B4GALT6: variants seen among roughly 807,000 people sequenced by gnomAD.
B4GALT6 encodes beta-1,4-galactosyltransferase 6.
Under a neutral mutation model 46.3 loss-of-function variants are expected in B4GALT6, and 14 were observed. The observed-to-expected ratio is 0.30, with a 90% CI of 0.20 to 0.47. The LOEUF (loss-of-function observed/expected upper bound fraction) is 0.47. Among genes scored for constraint, B4GALT6 ranks in the 20% least tolerant of loss-of-function variants. The probability of loss-of-function intolerance (pLI) is 0.99; values close to 1 mark genes in which losing one functional copy is unlikely to be tolerated. For missense variants in B4GALT6, 386 were observed against 480.1 expected (o/e 0.80, Z 1.83); for synonymous variants, 168 against 162.0 (o/e 1.04, Z -0.28).
chr18:31,701,204 A>G, the B4GALT6 span, among the ~76,000 whole-genome samples: 1 of 152,176 alleles, frequency 6.6e-6, no homozygotes, highest in Non-Finnish European at 1.5e-5. Flanking sequence ...ATTTAACACC[A>G]TCTCCTTGGT....
At chr18:31,637,794 C>G (rs2073877947) in intron 5 of B4GALT6, among the ~76,000 whole-genome samples, 1 of 152,132 alleles carries the variant, frequency 6.6e-6, no homozygotes, top group African/African-American at 2.4e-5. Flanking sequence ...AAATTAAACA[C>G]TGCGAATATA....
At chr18:31,683,536 A>T (rs960867674) in intron 1 of B4GALT6, among the ~76,000 whole-genome samples, 1 of 152,242 alleles carries the variant, frequency 6.6e-6, no homozygotes, top group East Asian at 1.9e-4. Flanking sequence ...ATGGGGGACG[A>T]GGAATTCGGA....
intron 3 of B4GALT6, among the ~76,000 whole-genome samples, chr18:31,650,334 A>T (rs370602124): frequency 1.1e-3 from 166 of 152,358 alleles, no homozygotes; most frequent in African/African-American, 3.9e-3. Context: ...AACTGAACAC[A>T]TTTCAACGGC....
At chr18:31,676,060 A>G (rs1015750961) in intron 1 of B4GALT6, among the ~76,000 whole-genome samples, 6 of 152,154 alleles carry the variant, frequency 3.9e-5, no homozygotes, top group African/African-American at 1.4e-4. Flanking sequence ...TAAACAAGGC[A>G]CCTTTTAATT....
chr18:31,685,472 A>G (rs972313902), upstream of B4GALT6, among the ~76,000 whole-genome samples: 110 of 151,120 alleles, frequency 7.3e-4, 4 homozygotes, highest in Middle Eastern at 3.7e-3. Flanking sequence ...GGAACTCGGC[A>G]GGCGGCGCTG....
At chr18:31,720,184 C>A in the B4GALT6 span, among the ~76,000 whole-genome samples, 2 of 152,198 alleles carry the variant, frequency 1.3e-5, no homozygotes, top group Non-Finnish European at 2.9e-5. Flanking sequence ...GATGGAGTTG[C>A]TTAGGTCTAA....
chr18:31,656,931 C>G (rs939305641), intron 3 of B4GALT6, among the ~76,000 whole-genome samples: 1 of 152,176 alleles, frequency 6.6e-6, no homozygotes, highest in African/African-American at 2.4e-5. Context: ...AAAACTTACT[C>G]AAACCCACCA....
At chr18:31,649,684 T>C (rs2074040358) in intron 3 of B4GALT6, among the ~76,000 whole-genome samples, 1 of 145,850 alleles carries the variant, frequency 6.9e-6, no homozygotes, top group Admixed American at 6.8e-5. Flanking sequence ...ATCAGAGAAA[T>C]GCATATTAAA....
In B4GALT6 at chr18:31,672,398, G is replaced by A. The variant is rs1016131752; in HGVS notation, c.116-6026C>T. ...AATAAATGTAAAACCTGGAACTATCGTGATAAATTCCCAGAGGAAAAATTA... is the reference window on the plus strand; with the variant it reads ...AATAAATGTAAAACCTGGAACTATCATGATAAATTCCCAGAGGAAAAATTA... On this transcript the variant is annotated intron_variant, in intron 1 of 8. Transcript: ENST00000306851. Among the ~76,000 whole-genome samples the A allele has an allele frequency of 2.6e-5, 4 of 152,152 alleles. No homozygotes were observed. The East Asian group carries it at 5.8e-4, about 22-fold the overall frequency.
At chr18:31,679,616 G>C (rs1011543849) in intron 1 of B4GALT6, among the ~76,000 whole-genome samples, 1 of 152,178 alleles carries the variant, frequency 6.6e-6, no homozygotes, top group African/African-American at 2.4e-5. Context: ...TTATTACTCA[G>C]ATGTGTTGGA....
chr18:31,717,119 A>G, the B4GALT6 span, among the ~76,000 whole-genome samples: 11 of 152,168 alleles, frequency 7.2e-5, no homozygotes, highest in African/African-American at 2.7e-4. Flanking sequence ...AGAAAGAAAG[A>G]AAGAAAGAAA....
intron 6 of B4GALT6, 103 bp downstream of exon 6, chr18:31,630,856 T>A: frequency 8.0e-7 from 1 of 1,245,172 alleles, no homozygotes; most frequent in Non-Finnish European, 1.1e-6. Context: ...ATTCTTGGGG[T>A]TCTTGAGTTC....
chr18:31,641,662 C>T (rs909711164), intron 4 of B4GALT6, among the ~76,000 whole-genome samples: 2 of 152,110 alleles, frequency 1.3e-5, no homozygotes, highest in Non-Finnish European at 2.9e-5. Context: ...CAGTGGAGAC[C>T]GAGAATATCT....
upstream of B4GALT6, among the ~76,000 whole-genome samples, chr18:31,689,384 G>A (rs1438456119): frequency 1.3e-5 from 2 of 152,152 alleles, no homozygotes; most frequent in Non-Finnish European, 2.9e-5. Flanking sequence ...ATAGAGTCCA[G>A]TCACAGAACA....
At chr18:31,701,168 T>C in the B4GALT6 span, among the ~76,000 whole-genome samples, 2 of 152,176 alleles carry the variant, frequency 1.3e-5, no homozygotes, top group Admixed American at 6.5e-5. Flanking sequence ...GGTGATTGAA[T>C]TATGGGGACA....
At chr18:31,704,851 C>A in the B4GALT6 span, among the ~76,000 whole-genome samples, 1 of 152,038 alleles carries the variant, frequency 6.6e-6, no homozygotes, top group Non-Finnish European at 1.5e-5. Flanking sequence ...AAAAGACTCA[C>A]GTGGTTAATA....
chr18:31,717,025 G>T, the B4GALT6 span, among the ~76,000 whole-genome samples: 3 of 151,990 alleles, frequency 2.0e-5, no homozygotes, highest in Non-Finnish European at 2.9e-5. Context: ...CTTGAATCTG[G>T]GGGTGGGGCG....
chr18:31,627,248 A>C (rs1598861202), intron 6 of B4GALT6, 127 bp from the exon 7 acceptor site: 8 of 697,180 alleles, frequency 1.1e-5, no homozygotes, highest in Non-Finnish European at 1.3e-5. Flanking sequence ...ATTATGTTAG[A>C]AAATGTAAAG....
chr18:31,694,145 C>A, the B4GALT6 span, among the ~76,000 whole-genome samples: 11 of 152,162 alleles, frequency 7.2e-5, no homozygotes, highest in South Asian at 2.1e-4. Flanking sequence ...AGAGACAATA[C>A]CCTTACCATA....
Sources: gnomAD v4.1 joint callset for allele counts (sites outside exome capture counted in the v4.1 genomes callset) on GRCh38, gnomAD v4.1.1 for gene constraint, MANE v1.5 for transcripts, NCBI Gene and HGNC (gene_info 2026-07-23, HGNC 2026-07-21) for gene names.